The following MAML2 variants were observed in gnomAD, a reference collection of about 807,000 sequenced individuals.
MAML2 encodes mastermind like transcriptional coactivator 2, also known as mastermind-like protein 2.
In MAML2, 22 loss-of-function variants were observed where a neutral mutation model predicts 96.1. The observed-to-expected ratio is 0.23, with a 90% CI of 0.16 to 0.33. The LOEUF (loss-of-function observed/expected upper bound fraction) is 0.33. Ranked by LOEUF, MAML2 falls within the 10% of genes least tolerant of loss-of-function variation. The pLI, the probability that MAML2 is intolerant of heterozygous loss-of-function variation, is 1.00. For missense variants in MAML2, 1,367 were observed against 1,392.4 expected, an observed-to-expected ratio of 0.98 and a Z score of 0.29; for synonymous variants, 561 against 521.3, an observed-to-expected ratio of 1.08 and a Z score of -1.04.
At position 96,252,814 on chromosome 11, in the gene MAML2, A is replaced by G. The variant is rs985335709; in HGVS notation, c.513+88569T>C. Among the ~76,000 whole-genome samples the G allele has an allele frequency of 1.1e-3, 167 of 152,324 alleles. 4 individuals are homozygous for G. The highest frequency in any genetic ancestry group is 8.3e-4 in the South Asian group (4 of 4,830). Reference sequence around the variant, plus strand: ...AGTCTGGCTTCAGTCATGTTCTTACACAGCCACATCTTGCTGCCTTTTACA... The same window carrying G: ...AGTCTGGCTTCAGTCATGTTCTTACGCAGCCACATCTTGCTGCCTTTTACA... On this transcript the variant is annotated intron_variant, in intron 1 of 4. Coordinates refer to ENST00000524717, the MANE Select transcript of MAML2 (RefSeq NM_032427.4).
intron 1 of MAML2, among the ~76,000 whole-genome samples, chr11:96,274,915 G>A (rs1862965880): frequency 2.0e-5 from 3 of 151,896 alleles, no homozygotes; most frequent in African/African-American, 7.3e-5. Flanking sequence ...ATGTATATAT[G>A]TGCATATTAG....
intron 1 of MAML2, among the ~76,000 whole-genome samples, chr11:96,308,248 C>G (rs140026758): frequency 1.3e-5 from 2 of 151,812 alleles, no homozygotes; most frequent in Non-Finnish European, 2.9e-5. Context: ...GTAATTATAC[C>G]AAGATATTTC....
intron 4 of MAML2, among the ~76,000 whole-genome samples, chr11:95,984,927 G>C (rs1414398989): frequency 6.6e-6 from 1 of 152,180 alleles, no homozygotes. Flanking sequence ...AGGTTCTTTT[G>C]GAGTTTCATG....
intron 2 of MAML2, among the ~76,000 whole-genome samples, chr11:96,070,323 G>A (rs898375740): frequency 2.0e-5 from 3 of 151,916 alleles, no homozygotes; most frequent in African/African-American, 4.8e-5. Context: ...AATAAATAAG[G>A]CATAACAAAA....
chr11:96,011,642 A>C (rs1858268566), intron 2 of MAML2, among the ~76,000 whole-genome samples: 1 of 152,162 alleles, frequency 6.6e-6, no homozygotes, highest in South Asian at 2.1e-4. Flanking sequence ...GGGTGACGGG[A>C]TCAATAGAAG....
intron 1 of MAML2, among the ~76,000 whole-genome samples, chr11:96,243,202 C>T (rs76521014): frequency 0.028 from 4,299 of 152,302 alleles, 229 homozygotes; most frequent in African/African-American, 0.098. Flanking sequence ...GTCCTTCTCT[C>T]TTCCTTTCCG....
At chr11:96,209,035 C>T (rs1861931584) in intron 1 of MAML2, among the ~76,000 whole-genome samples, 1 of 152,098 alleles carries the variant, frequency 6.6e-6, no homozygotes, top group Admixed American at 6.5e-5. Flanking sequence ...AATGCAGTTT[C>T]TCAGTCTCCT....
intron 1 of MAML2, among the ~76,000 whole-genome samples, chr11:96,214,906 G>GT (rs1291614687): frequency 1.3e-5 from 2 of 152,230 alleles, no homozygotes; most frequent in African/African-American, 4.8e-5. Flanking sequence ...CAGTGAGGAA[G>GT]TAGAGGCTGA....
chr11:96,036,857 C>A (rs1379241712), intron 2 of MAML2, among the ~76,000 whole-genome samples: 1 of 152,136 alleles, frequency 6.6e-6, no homozygotes, highest in Non-Finnish European at 1.5e-5. Flanking sequence ...AGATAAAACA[C>A]CTTTCATGGT....
intron 4 of MAML2, among the ~76,000 whole-genome samples, chr11:95,982,098 AT>A (rs1857748986): frequency 6.6e-6 from 1 of 152,194 alleles, no homozygotes; most frequent in African/African-American, 2.4e-5. Flanking sequence ...ATAAAAAATG[AT>A]TTTAAAAAGA....
At chr11:96,162,806 T>C (rs1186747570) in intron 1 of MAML2, among the ~76,000 whole-genome samples, 1 of 150,780 alleles carries the variant, frequency 6.6e-6, no homozygotes, top group Non-Finnish European at 1.5e-5. Context: ...AACAAGGGGG[T>C]CTGAGGAGGG....
chr11:96,220,241 A>G (rs777795131), intron 1 of MAML2, among the ~76,000 whole-genome samples: 6 of 151,920 alleles, frequency 3.9e-5, no homozygotes, highest in Admixed American at 6.6e-5. Flanking sequence ...ACCCTCCTTC[A>G]CTCTCTTAGG....
chr11:96,299,081 A>ATATATATATATATATAT (rs1487119307), intron 1 of MAML2, among the ~76,000 whole-genome samples: 16 of 136,320 alleles, frequency 1.2e-4, no homozygotes, highest in South Asian at 2.3e-4. Flanking sequence ...ATATATATAT[A>ATATATATATATATATAT]AAATTTCACC....
chr11:96,200,708 C>T (rs1348565261), intron 1 of MAML2, among the ~76,000 whole-genome samples: 1 of 152,070 alleles, frequency 6.6e-6, no homozygotes, highest in Non-Finnish European at 1.5e-5. Flanking sequence ...TGTAATAGTG[C>T]AAAGCATGTG....
intron 2 of MAML2, among the ~76,000 whole-genome samples, chr11:96,032,230 T>A (rs1402693691): frequency 6.6e-6 from 1 of 152,048 alleles, no homozygotes; most frequent in Non-Finnish European, 1.5e-5. Flanking sequence ...TCTTATAAAG[T>A]TAAATATACA....
intron 1 of MAML2, among the ~76,000 whole-genome samples, chr11:96,243,398 T>G (rs948372349): frequency 6.6e-6 from 1 of 152,132 alleles, no homozygotes; most frequent in Non-Finnish European, 1.5e-5. Flanking sequence ...GGAGGCCAGC[T>G]CTGAACAGAC....
chr11:96,314,886 C>T (rs1172145473), intron 1 of MAML2, among the ~76,000 whole-genome samples: 1 of 152,182 alleles, frequency 6.6e-6, no homozygotes. Context: ...AGAGGACAGA[C>T]AAAGTCAGCA....
At chr11:96,191,641 G>A (rs1861654920) in intron 1 of MAML2, among the ~76,000 whole-genome samples, 1 of 151,338 alleles carries the variant, frequency 6.6e-6, no homozygotes, top group Non-Finnish European at 1.5e-5. Flanking sequence ...GCATGGTGGC[G>A]GGCGCCGGTA....
At chr11:96,338,882 G>C (rs548879833) in intron 1 of MAML2, among the ~76,000 whole-genome samples, 4 of 152,164 alleles carry the variant, frequency 2.6e-5, no homozygotes, top group Non-Finnish European at 5.9e-5. Context: ...AGGAGCCCGA[G>C]TAAAGTGAGA....
Sources: allele counts gnomAD v4.1 joint callset (sites outside exome capture counted in the v4.1 genomes callset), GRCh38; gene constraint gnomAD v4.1.1; transcripts MANE v1.5; gene names NCBI Gene and HGNC (gene_info 2026-07-23, HGNC 2026-07-21).